ABCA13: variants seen among roughly 807,000 people sequenced by gnomAD.
The protein encoded by ABCA13 is ATP-binding cassette sub-family A member 13.
A neutral mutation model predicts 478.7 loss-of-function variants in ABCA13; 476 were observed. The ratio of observed to expected loss-of-function variants is 0.99; its 90% CI spans 0.92 to 1.07. ABCA13 has a LOEUF of 1.07. ABCA13 is among the 50% of genes least tolerant of loss of function. The pLI is 0.00. For synonymous variants in ABCA13, 2,252 were observed against 2,158.9 expected (o/e 1.04, Z -1.20); for missense variants, 6,060 against 5,910.6 (o/e 1.03, Z -0.83).
Position 48,273,016 on chromosome 7 carries a change from A to C in ABCA13, c.3350A>C (p.Glu1117Ala). ...TCCGTAAATTATTCAACAAGTGAGG[A>C]GTCTTCATTTGTTTTTCCATTGGCA... ...ISSVNYSTSE[E>A]SSFVFPLAQI... Residue 1117 changes from glutamate (E) to alanine (A), a missense_variant, in exon 17 of 62, where the codon GAG (glutamate) becomes GCG (alanine). By Grantham distance (107) the Glu-to-Ala change is moderately radical. Coordinates refer to ENST00000435803, the MANE Select transcript of ABCA13 (RefSeq NM_152701.5). The C allele has an allele frequency of 6.2e-7, 1 of 1,613,664 alleles. No homozygotes were observed. The highest frequency in any genetic ancestry group is 1.7e-4 in the Middle Eastern group (1 of 6,060).
intron 29 of ABCA13, among the ~76,000 whole-genome samples, chr7:48,342,285 G>A (rs750056086): frequency 8.6e-5 from 13 of 152,028 alleles, no homozygotes; most frequent in Non-Finnish European, 1.5e-4. Flanking sequence ...GTTGGGTGCC[G>A]TCTTGAGCAT....
intron 59 of ABCA13, among the ~76,000 whole-genome samples, chr7:48,642,941 T>C (rs1157998363): frequency 6.6e-6 from 1 of 152,218 alleles, no homozygotes; most frequent in East Asian, 1.9e-4. Flanking sequence ...CCAGCAATCA[T>C]GCTTCCCAGG....
chr7:48,455,403 AT>A, intron 43 of ABCA13, 117 bp downstream of exon 43: 2 of 1,370,926 alleles, frequency 1.5e-6, no homozygotes, highest in Non-Finnish European at 1.9e-6. Context: ...TGTTTTCATT[AT>A]TTCCGAGGTC....
At chr7:48,586,835 C>A (rs929492219) in intron 56 of ABCA13, among the ~76,000 whole-genome samples, 6 of 152,136 alleles carry the variant, frequency 3.9e-5, no homozygotes, top group African/African-American at 1.4e-4. Context: ...TTGGCATACC[C>A]TTCTCTGCTC....
chr7:48,274,946 A>G lies in ABCA13; in HGVS notation c.5280A>G (p.Val1760=). The G allele has an allele frequency of 6.2e-7, 1 of 1,613,784 alleles. No homozygotes were observed. Reference sequence around the variant, plus strand: ...ATGCTGTAAGGCTCCTGCAGGGAGTACCTGGTAAAAACATCACTGAAGGCC... The same window carrying G: ...ATGCTGTAAGGCTCCTGCAGGGAGTGCCTGGTAAAAACATCACTGAAGGCC... ...LPHAVRLLQG[V]PGKNITEGLK... The change falls in exon 17 of 62, where the codon GTA becomes GTG. Residue 1760 remains valine (V), a synonymous_variant. Coordinates refer to ENST00000435803, the MANE Select transcript of ABCA13 (RefSeq NM_152701.5).
At chr7:48,354,448 G>A (rs552799165) in intron 31 of ABCA13, among the ~76,000 whole-genome samples, 11 of 152,016 alleles carry the variant, frequency 7.2e-5, no homozygotes, top group Non-Finnish European at 1.5e-4. Context: ...TGATCATAGT[G>A]TATGGCTAAC....
intron 38 of ABCA13, among the ~76,000 whole-genome samples, chr7:48,398,582 G>T (rs540888773): frequency 2.0e-5 from 3 of 152,256 alleles, no homozygotes; most frequent in African/African-American, 7.2e-5. Context: ...GAGTAAACAT[G>T]TGTCAAGATT....
intron 55 of ABCA13, among the ~76,000 whole-genome samples, chr7:48,532,191 G>T (rs1280939178): frequency 2.6e-5 from 4 of 151,968 alleles, no homozygotes; most frequent in Non-Finnish European, 5.9e-5. Flanking sequence ...CTATTTTGCT[G>T]AGGGTTTTAA....
intron 55 of ABCA13, among the ~76,000 whole-genome samples, chr7:48,543,864 CA>C (rs1784576364): frequency 1.3e-5 from 2 of 151,094 alleles, no homozygotes; most frequent in South Asian, 4.2e-4. Flanking sequence ...GAATATAAAT[CA>C]TAATTTTACT....
At chr7:48,338,926 C>T (rs543046041) in intron 29 of ABCA13, among the ~76,000 whole-genome samples, 9 of 152,244 alleles carry the variant, frequency 5.9e-5, no homozygotes, top group African/African-American at 1.4e-4. Context: ...GCTGGACACA[C>T]GAGGAGAGCC....
intron 17 of ABCA13, among the ~76,000 whole-genome samples, 169 bp downstream of exon 17, chr7:48,276,734 G>T (rs1379786889): frequency 6.6e-6 from 1 of 152,070 alleles, no homozygotes. Flanking sequence ...CAAGGTAAAA[G>T]AATTTTGATT....
At chr7:48,402,481 T>A (rs1338085507) in intron 38 of ABCA13, among the ~76,000 whole-genome samples, 1 of 152,136 alleles carries the variant, frequency 6.6e-6, no homozygotes. Context: ...TGGGAACACA[T>A]GAAAAACAGG....
chr7:48,463,318 G>A (rs1365426095), intron 43 of ABCA13, among the ~76,000 whole-genome samples: 1 of 152,184 alleles, frequency 6.6e-6, no homozygotes, highest in African/African-American at 2.4e-5. Flanking sequence ...TTCTGCCTCT[G>A]TAGGGCAGCA....
rs749164678 is a variant in ABCA13 at position 48,403,810 on chromosome 7, G to A, written c.12001G>A (p.Glu4001Lys). ...CATGTCGAGGACCGTGGTTCTGGAT[G>A]AGCCCACCAGTGGGGTGGACCCTTG... Reference protein sequence around the residue: ...MGMSRTVVLDEPTSGVDPCSR... With the variant: ...MGMSRTVVLDKPTSGVDPCSR... The change falls in exon 39 of 62, where the codon GAG becomes AAG. Residue 4001 changes from glutamate (E) to lysine (K), a missense_variant. This residue lies in a region of ABCA13 where 1,627 missense variants were observed against 1,571.0 expected (regional missense o/e 1.04). Transcript: ENST00000435803. 1 of 1,613,898 alleles carries A rather than the reference G, an allele frequency of 6.2e-7. No individual in the cohort carries two copies. The highest frequency in any genetic ancestry group is 1.1e-5 in the South Asian group (1 of 91,052).
chr7:48,284,448 G>A (rs375408656), intron 19 of ABCA13, among the ~76,000 whole-genome samples: 1 of 152,184 alleles, frequency 6.6e-6, no homozygotes, highest in Non-Finnish European at 1.5e-5. Context: ...TACAAGTTAG[G>A]ATGGTTGGTA....
intron 38 of ABCA13, 67 bp from the exon 39 acceptor site, chr7:48,403,616 G>A (rs144118087): frequency 1.4e-6 from 2 of 1,474,808 alleles, no homozygotes; most frequent in Non-Finnish European, 1.9e-6. Flanking sequence ...CATTATTTCT[G>A]GAGTGAAATT....
chr7:48,457,448 A>G (rs1345511000), intron 43 of ABCA13, among the ~76,000 whole-genome samples: 1 of 151,952 alleles, frequency 6.6e-6, no homozygotes, highest in Non-Finnish European at 1.5e-5. Flanking sequence ...ATAGCCATTC[A>G]CTTTCTCTAC....
chr7:48,635,574 G>A (rs1322820108), intron 59 of ABCA13, among the ~76,000 whole-genome samples: 1 of 152,158 alleles, frequency 6.6e-6, no homozygotes, highest in East Asian at 1.9e-4. Context: ...GTCTAATGAG[G>A]TAGAGCTGGG....
At chr7:48,348,297 G>C (rs1808417696) in intron 29 of ABCA13, among the ~76,000 whole-genome samples, 1 of 152,320 alleles carries the variant, frequency 6.6e-6, no homozygotes, top group South Asian at 2.1e-4. Context: ...GGGGACTCAT[G>C]ACACTCTGAG....
Sources: allele counts gnomAD v4.1 joint callset (sites outside exome capture counted in the v4.1 genomes callset), GRCh38; gene constraint gnomAD v4.1.1; regional missense constraint gnomAD v4.1.1; transcripts MANE v1.5; gene names NCBI Gene and HGNC (gene_info 2026-07-23, HGNC 2026-07-21).